Variants in ADGRL2 observed in about 807,000 individuals in gnomAD.
ADGRL2 encodes adhesion G protein-coupled receptor L2, also known as calcium-independent alpha-latrotoxin receptor 2.
In ADGRL2, 44 loss-of-function variants were observed where a neutral mutation model predicts 157.4. The observed-to-expected ratio is 0.28, with a 90% CI of 0.22 to 0.36. ADGRL2 has a LOEUF of 0.36. ADGRL2 is among the 10% of genes least tolerant of loss of function. ADGRL2 has a pLI of 1.00. For missense variants in ADGRL2, 1,510 were observed against 1,768.9 expected, an observed-to-expected ratio of 0.85 and a Z score of 2.63; for synonymous variants, 585 against 624.7, an observed-to-expected ratio of 0.94 and a Z score of 0.95.
intron 2 of ADGRL2, among the ~76,000 whole-genome samples, chr1:81,511,582 A>AG (rs2079078638): frequency 6.6e-6 from 1 of 152,078 alleles, no homozygotes; most frequent in African/African-American, 2.4e-5. Flanking sequence ...TTCTTTGTGT[A>AG]GGGGGAAAGA....
rs1570607524 is a variant in ADGRL2, at chr1:81,600,618, C to T, written c.-143+19638C>T. On this transcript the variant is annotated intron_variant, in intron 3 of 24. Transcript: ENST00000370721. ...ATAATTTAGAGACTAATACAACATG[C>T]TCATTGAATAGATTAGGAAATGTGT... Among the ~76,000 whole-genome samples, 5 of 152,316 alleles carry T rather than the reference C, an allele frequency of 3.3e-5. 1 individual carries two copies. Among genetic ancestry groups the T allele is most frequent in the Admixed American group, 3.3e-4 (5 of 15,308 alleles).
intron 1 of ADGRL2, among the ~76,000 whole-genome samples, chr1:81,821,771 T>C (rs1236461850): frequency 6.6e-6 from 1 of 152,190 alleles, no homozygotes; most frequent in East Asian, 1.9e-4. Flanking sequence ...AAACATATAC[T>C]ATTTACACAG....
intron 2 of ADGRL2, among the ~76,000 whole-genome samples, chr1:81,884,963 A>C (rs1269543827): frequency 6.6e-6 from 1 of 152,226 alleles, no homozygotes; most frequent in East Asian, 1.9e-4. Context: ...TTTTGAAAAC[A>C]AATAGAATTA....
intron 3 of ADGRL2, among the ~76,000 whole-genome samples, chr1:81,588,769 T>C (rs922223647): frequency 4.6e-5 from 7 of 152,164 alleles, no homozygotes; most frequent in African/African-American, 1.7e-4. Flanking sequence ...GTCTCTAACA[T>C]GTAGCAGCAT....
intron 3 of ADGRL2, among the ~76,000 whole-genome samples, chr1:81,914,282 T>C (rs1572093766): frequency 6.6e-6 from 1 of 152,154 alleles, no homozygotes; most frequent in Non-Finnish European, 1.5e-5. Context: ...ATTTTTCCTA[T>C]AGGTTACAAT....
At chr1:81,335,387 G>A (rs1019473254) in intron 1 of ADGRL2, among the ~76,000 whole-genome samples, 5 of 151,930 alleles carry the variant, frequency 3.3e-5, no homozygotes, top group East Asian at 1.9e-4. Flanking sequence ...TTTCTGACTC[G>A]GTCCAGTGTC....
intron 3 of ADGRL2, among the ~76,000 whole-genome samples, chr1:81,594,118 A>T (rs2081185626): frequency 6.6e-6 from 1 of 152,214 alleles, no homozygotes; most frequent in Non-Finnish European, 1.5e-5. Flanking sequence ...AATAATGCAG[A>T]GTACAAGATT....
chr1:81,664,284 C>T (rs1249606644), intron 3 of ADGRL2, among the ~76,000 whole-genome samples: 1 of 152,078 alleles, frequency 6.6e-6, no homozygotes, highest in Non-Finnish European at 1.5e-5. Context: ...AGGTAAACAA[C>T]ATCCTAGATT....
chr1:81,400,855 C>G (rs891591972), intron 1 of ADGRL2, among the ~76,000 whole-genome samples: 7 of 152,058 alleles, frequency 4.6e-5, no homozygotes, highest in African/African-American at 1.7e-4. Context: ...GTTATTTGGC[C>G]TTTAGGGTGT....
At chr1:81,620,907 A>G (rs1368554417) in intron 3 of ADGRL2, among the ~76,000 whole-genome samples, 4 of 152,224 alleles carry the variant, frequency 2.6e-5, no homozygotes. Context: ...TGAATAGAAA[A>G]GGCAAAGCCT....
At chr1:81,650,574 CAA>C (rs1180168819) in intron 3 of ADGRL2, among the ~76,000 whole-genome samples, 23 of 62,328 alleles carry the variant, frequency 3.7e-4, no homozygotes, top group South Asian at 5.2e-4. Flanking sequence ...GACTCCATCT[CAA>C]AAAAAAAAAA....
intron 1 of ADGRL2, among the ~76,000 whole-genome samples, chr1:81,751,131 A>T (rs191445022): frequency 3.9e-5 from 6 of 152,342 alleles, no homozygotes; most frequent in Non-Finnish European, 7.3e-5. Context: ...ACAGAAGAGG[A>T]TCATACTGAC....
intron 1 of ADGRL2, among the ~76,000 whole-genome samples, chr1:81,315,953 G>A (rs1660075702): frequency 6.6e-6 from 1 of 152,030 alleles, no homozygotes; most frequent in Non-Finnish European, 1.5e-5. Context: ...CATAAGTTCT[G>A]AGACATTGAC....
At chr1:81,560,786 G>C (rs918092528) in intron 2 of ADGRL2, among the ~76,000 whole-genome samples, 10 of 152,084 alleles carry the variant, frequency 6.6e-5, no homozygotes, top group African/African-American at 2.4e-4. Context: ...ATCAGTAAAA[G>C]TTAATCCTCA....
chr1:81,903,743 CATT>C (rs1469765095), intron 2 of ADGRL2, among the ~76,000 whole-genome samples: 1 of 141,834 alleles, frequency 7.1e-6, no homozygotes. Context: ...TATATATACA[CATT>C]ATATATATAC....
intron 3 of ADGRL2, among the ~76,000 whole-genome samples, chr1:81,619,731 ATG>A (rs34153343): frequency 0.13 from 19,579 of 149,316 alleles, 1,469 homozygotes; most frequent in South Asian, 0.23. Context: ...GGGTGTGTGT[ATG>A]TGTGTGTGTG....
chr1:81,426,894 A>C, intron 1 of ADGRL2: 1 of 666,980 alleles, frequency 1.5e-6, no homozygotes, highest in Non-Finnish European at 2.8e-6. Flanking sequence ...TACTTTGAAA[A>C]GTATGGCAAG....
chr1:81,908,320 A>G (rs1297650100), intron 3 of ADGRL2, among the ~76,000 whole-genome samples: 1 of 152,146 alleles, frequency 6.6e-6, no homozygotes, highest in African/African-American at 2.4e-5. Flanking sequence ...TGGCCTGTTC[A>G]TCCCTCTTAT....
intron 2 of ADGRL2, among the ~76,000 whole-genome samples, chr1:81,883,453 AATC>A (rs2094039778): frequency 2.0e-5 from 3 of 152,296 alleles, no homozygotes; most frequent in African/African-American, 7.2e-5. Flanking sequence ...TTTTGGAGGA[AATC>A]CTCCTCCTAT....
Sources: allele counts gnomAD v4.1 joint callset (sites outside exome capture counted in the v4.1 genomes callset), GRCh38; gene constraint gnomAD v4.1.1; transcripts MANE v1.5; gene names NCBI Gene and HGNC (gene_info 2026-07-23, HGNC 2026-07-21).